Variants in ERBB4 observed in about 807,000 individuals in gnomAD.
The protein encoded by ERBB4 is erb-b2 receptor tyrosine kinase 4.
In ERBB4, 42 loss-of-function variants were observed where a neutral mutation model predicts 158.0. The ratio of observed to expected loss-of-function variants is 0.27; its 90% CI spans 0.21 to 0.34. The LOEUF is 0.34. Among genes scored for constraint, ERBB4 ranks in the 10% least tolerant of loss-of-function variants. The pLI is 1.00. For missense variants in ERBB4, 1,333 were observed against 1,624.1 expected (o/e 0.82, Z 3.08); for synonymous variants, 583 against 558.7 (o/e 1.04, Z -0.61).
chr2:212,255,600 G>A (rs1390683820), intron 1 of ERBB4, among the ~76,000 whole-genome samples: 1 of 152,070 alleles, frequency 6.6e-6, no homozygotes, highest in Non-Finnish European at 1.5e-5. Context: ...GGTTTTTGGT[G>A]TGTGTGTGTT....
At chr2:212,006,855 T>C (rs886892292) in intron 2 of ERBB4, among the ~76,000 whole-genome samples, 1 of 152,076 alleles carries the variant, frequency 6.6e-6, no homozygotes, top group Non-Finnish European at 1.5e-5. Context: ...CTGTATTTTA[T>C]TGATTTAAGC....
intron 2 of ERBB4, among the ~76,000 whole-genome samples, chr2:212,091,244 T>C (rs1364530271): frequency 6.6e-6 from 1 of 151,848 alleles, no homozygotes; most frequent in Non-Finnish European, 1.5e-5. Flanking sequence ...GGTCAATTGA[T>C]GTGGCAGGGA....
At chr2:212,379,201 G>A (rs563857495) in intron 1 of ERBB4, among the ~76,000 whole-genome samples, 3 of 151,700 alleles carry the variant, frequency 2.0e-5, no homozygotes, top group Non-Finnish European at 4.4e-5. Context: ...CAAAGCATTA[G>A]TAAAGATAAG....
intron 1 of ERBB4, among the ~76,000 whole-genome samples, chr2:212,423,278 A>G (rs1005106128): frequency 1.3e-5 from 2 of 152,204 alleles, no homozygotes; most frequent in African/African-American, 2.4e-5. Flanking sequence ...AACACAGCAC[A>G]AAGAAAAGCT....
chr2:212,532,033 G>A (rs915058669), intron 1 of ERBB4, among the ~76,000 whole-genome samples: 25 of 152,248 alleles, frequency 1.6e-4, no homozygotes, highest in African/African-American at 5.3e-4. Flanking sequence ...GTGGATCCAA[G>A]CCATTTGTCT....
At chr2:211,698,808 T>A (rs2073121013) in intron 12 of ERBB4, among the ~76,000 whole-genome samples, 2 of 152,198 alleles carry the variant, frequency 1.3e-5, no homozygotes, top group Non-Finnish European at 2.9e-5. Context: ...AAACTTCAAA[T>A]GCTTTTATAA....
chr2:211,703,900 C>T (rs1041442827), intron 11 of ERBB4, among the ~76,000 whole-genome samples: 2 of 152,146 alleles, frequency 1.3e-5, no homozygotes, highest in African/African-American at 4.8e-5. Flanking sequence ...GAGTGACAGA[C>T]AATTGAAAAA....
At chr2:212,112,031 T>C (rs1483348429) in intron 2 of ERBB4, among the ~76,000 whole-genome samples, 1 of 152,226 alleles carries the variant, frequency 6.6e-6, no homozygotes, top group African/African-American at 2.4e-5. Flanking sequence ...TTTTATTTTA[T>C]TTTAGAAACA....
intron 4 of ERBB4, among the ~76,000 whole-genome samples, chr2:211,758,346 T>A (rs2075331802): frequency 6.6e-6 from 1 of 152,202 alleles, no homozygotes; most frequent in Non-Finnish European, 1.5e-5. Context: ...AAGGTCTTAA[T>A]GCTTTTTGGA....
chr2:212,445,662 G>A (rs2092334748), intron 1 of ERBB4, among the ~76,000 whole-genome samples: 2 of 152,278 alleles, frequency 1.3e-5, no homozygotes, highest in African/African-American at 2.4e-5. Context: ...GTATTACCAT[G>A]CCCTATGATT....
Position 211,383,835 on chromosome 2 carries a change from G to A in ERBB4, c.3707C>T (p.Ala1236Val), listed in dbSNP as rs763559555. The A allele has an allele frequency of 1.2e-5, 20 of 1,614,020 alleles. No homozygotes were observed. In the African/African-American group the frequency reaches 1.5e-4, roughly 12 times the overall value. Residue 1236 changes from alanine to valine, a missense_variant, in exon 28 of 28, where the codon GCG (alanine) becomes GTG (valine). Physicochemically the swap from Ala to Val is moderately conservative, Grantham distance 64. Coordinates refer to ENST00000342788, the MANE Select transcript of ERBB4 (RefSeq NM_005235.3). Reference sequence around the variant, plus strand: ...GTTCCAGTAGTCAGGGTTGTCAAACGCTTTCTTGGCCTTCTCTGGCATTGA... The same window carrying A: ...GTTCCAGTAGTCAGGGTTGTCAAACACTTTCTTGGCCTTCTCTGGCATTGA... Reference protein sequence around the residue: ...ILSMPEKAKKAFDNPDYWNHS... With the variant: ...ILSMPEKAKKVFDNPDYWNHS...
chr2:211,619,335 T>C, intron 18 of ERBB4, 60 bp from the exon 19 acceptor site: 1 of 964,748 alleles, frequency 1.0e-6, no homozygotes, highest in Non-Finnish European at 1.7e-6. Context: ...TCTTACAAAG[T>C]AACTTAGAAG....
intron 1 of ERBB4, among the ~76,000 whole-genome samples, chr2:212,509,654 A>G (rs887344420): frequency 1.3e-5 from 2 of 151,986 alleles, no homozygotes; most frequent in African/African-American, 4.8e-5. Context: ...AGTCACACAA[A>G]TTTCAATTCT....
intron 20 of ERBB4, among the ~76,000 whole-genome samples, chr2:211,550,715 T>C (rs1301471678): frequency 7.0e-6 from 1 of 142,560 alleles, no homozygotes; most frequent in Non-Finnish European, 1.5e-5. Context: ...GGAATATATA[T>C]ATATATATAT....
intron 20 of ERBB4, among the ~76,000 whole-genome samples, chr2:211,509,155 G>T (rs983031572): frequency 5.7e-5 from 2 of 35,356 alleles, no homozygotes. Context: ...GACACAGGGA[G>T]GGGGGAGTAT....
chr2:212,397,680 T>C (rs896349699), intron 1 of ERBB4, among the ~76,000 whole-genome samples: 1 of 152,184 alleles, frequency 6.6e-6, no homozygotes, highest in Admixed American at 6.6e-5. Flanking sequence ...TAGAAAAGTG[T>C]TAATTCTATG....
chr2:211,784,681 A>G (rs1046361053), intron 4 of ERBB4, among the ~76,000 whole-genome samples: 1 of 152,092 alleles, frequency 6.6e-6, no homozygotes, highest in Non-Finnish European at 1.5e-5. Context: ...CCACCAGACT[A>G]TTTTCCATAG....
At chr2:212,464,248 T>C (rs995157530) in intron 1 of ERBB4, among the ~76,000 whole-genome samples, 6 of 152,160 alleles carry the variant, frequency 3.9e-5, no homozygotes, top group Admixed American at 2.6e-4. Flanking sequence ...TATTTTTAAC[T>C]ATAATTTTAA....
At chr2:211,552,202 C>T (rs370679818) in intron 20 of ERBB4, among the ~76,000 whole-genome samples, 1 of 150,788 alleles carries the variant, frequency 6.6e-6, no homozygotes, top group African/African-American at 2.4e-5. Context: ...TTGGTGATAA[C>T]GTAGAGTTGG....
Sources: gnomAD v4.1 joint callset for allele counts (sites outside exome capture counted in the v4.1 genomes callset) on GRCh38, gnomAD v4.1.1 for gene constraint, MANE v1.5 for transcripts, NCBI Gene and HGNC (gene_info 2026-07-23, HGNC 2026-07-21) for gene names.